Variants in PAG1 observed in about 807,000 individuals in gnomAD.
The protein encoded by PAG1 is phosphoprotein associated with glycosphingolipid-enriched microdomains 1.
Under a neutral mutation model 31.7 loss-of-function variants are expected in PAG1, and 23 were observed. The ratio of observed to expected loss-of-function variants is 0.73; its 90% confidence interval spans 0.52 to 1.03. The LOEUF (loss-of-function observed/expected upper bound fraction) is 1.03. PAG1 is among the 50% of genes least tolerant of loss of function. PAG1 has a pLI of 0.00. For missense variants in PAG1, 473 were observed against 540.7 expected, an observed-to-expected ratio of 0.87 and a Z score of 1.24; for synonymous variants, 214 against 210.3, an observed-to-expected ratio of 1.02 and a Z score of -0.15.
At chr8:81,094,033 A>T (rs1386552287) in intron 1 of PAG1, among the ~76,000 whole-genome samples, 2 of 152,154 alleles carry the variant, frequency 1.3e-5, no homozygotes, top group Non-Finnish European at 2.9e-5. Flanking sequence ...GTGTGGGCTG[A>T]CATTCTAGAG....
chr8:81,003,548 G>A lies in PAG1; in HGVS notation c.-80-10241C>T, dbSNP rs747918468. 5.3e-5 allele frequency among the ~76,000 whole-genome samples: 8 copies of A among 152,224 alleles called. No individual in the cohort carries two copies. The East Asian group carries it at 7.7e-4, about 15-fold the overall frequency. ...AGAGTCTGGTAAAATGGCAGTGATC[G>A]GGTACATTGCTGCTACGTAGAAGTA... On this transcript the variant is annotated intron_variant, in intron 3 of 8. Coordinates refer to ENST00000220597, the MANE Select transcript of PAG1 (RefSeq NM_018440.4).
rs1383364556 is a variant in PAG1, at chr8:80,990,002, T to C, written c.177+1477A>G. Among the ~76,000 whole-genome samples, 1 of 151,936 alleles carries C rather than the reference T, an allele frequency of 6.6e-6. No individual in the cohort carries two copies. Among genetic ancestry groups the C allele is most frequent in the African/African-American group, 2.4e-5 (1 of 41,342 alleles). ...GAAAGGCAGGGGCCTGGAGTCTGCA[T>C]GGGGAGAAGCGACAGTGGGGCGTTC... is the stretch of plus-strand genomic sequence containing the variant. On this transcript the variant is annotated intron_variant, in intron 5 of 8. Transcript: ENST00000220597. This position sits in a 1 kb window ranked among gnomAD's most constrained non-coding sequence, Gnocchi z 5.1.
At position 81,011,382 on chromosome 8, in the gene PAG1, C is replaced by T. The variant is rs116429915; in HGVS notation, c.-80-18075G>A. 3.9e-5 allele frequency among the ~76,000 whole-genome samples: 6 copies of T among 152,262 alleles called. No homozygotes were observed. In the East Asian group the frequency reaches 9.6e-4, roughly 24 times the overall value. On this transcript the variant is annotated intron_variant, in intron 3 of 8. Coordinates refer to ENST00000220597, the MANE Select transcript of PAG1 (RefSeq NM_018440.4). ...AGATCTGATGGTTTTATAAGGGGAACTCCTTTTGTTTGGTTCTCATTTTCT... is the reference window on the plus strand; with the variant it reads ...AGATCTGATGGTTTTATAAGGGGAATTCCTTTTGTTTGGTTCTCATTTTCT...
rs1166008749 is a variant in PAG1 at position 81,030,059 on chromosome 8, T to C, written c.-144A>G. ...CTGGCAATGTATTCCCTTTGAAATG[T>C]TGTGGTGAGAGTTCTCTCTTCTTTC... On this transcript the variant is annotated 5_prime_UTR_variant, in exon 3 of 9. Coordinates refer to ENST00000220597, the MANE Select transcript of PAG1 (RefSeq NM_018440.4). 6.6e-6 allele frequency: 1 copy of C among 152,258 alleles called. No homozygotes were observed. Among genetic ancestry groups the C allele is most frequent in the African/African-American group, 2.4e-5 (1 of 41,456 alleles). 9.4% of individuals were successfully genotyped at this position (152,258 alleles called of 1,614,324 possible). A position where few individuals can be genotyped will look rare whatever the true frequency, so the allele number is the denominator to read the frequency against.
At chr8:81,098,894 G>T (rs1809567721) in intron 1 of PAG1, among the ~76,000 whole-genome samples, 1 of 152,204 alleles carries the variant, frequency 6.6e-6, no homozygotes, top group Non-Finnish European at 1.5e-5. Context: ...AAGATGAAAT[G>T]CAATAGTTTG....
intron 2 of PAG1, among the ~76,000 whole-genome samples, chr8:81,048,757 A>G (rs781059261): frequency 1.3e-5 from 2 of 152,210 alleles, no homozygotes; most frequent in African/African-American, 4.8e-5. Flanking sequence ...ATAAATGTAC[A>G]TACATTTATT....
At chr8:81,005,785 C>T (rs751301967) in intron 3 of PAG1, among the ~76,000 whole-genome samples, 3 of 152,150 alleles carry the variant, frequency 2.0e-5, no homozygotes, top group Admixed American at 6.5e-5. Context: ...CTTCACTTGC[C>T]GTCCTTCCCA....
Position 80,990,540 on chromosome 8 carries a change from T to C in PAG1, c.177+939A>G, listed in dbSNP as rs569343954. Among the ~76,000 whole-genome samples, 2 of 152,190 alleles carry C rather than the reference T, an allele frequency of 1.3e-5. No homozygotes were observed. Among genetic ancestry groups the C allele is most frequent in the Non-Finnish European group, 2.9e-5 (2 of 68,026 alleles). ...GGGCAGATTCTGAACTCTGCCTTGC[T>C]AATGTGACGATGGGCCCCCTCCCCA... is the stretch of plus-strand genomic sequence containing the variant. On this transcript the variant is annotated intron_variant, in intron 5 of 8. Coordinates refer to ENST00000220597, the MANE Select transcript of PAG1 (RefSeq NM_018440.4). The surrounding 1 kb of genome is among the most constrained non-coding windows in gnomAD (Gnocchi z 5.1).
intron 5 of PAG1, 171 bp from the exon 6 acceptor site, chr8:80,987,637 C>T (rs965686471): frequency 1.8e-6 from 1 of 556,258 alleles, no homozygotes; most frequent in Non-Finnish European, 3.2e-6. Context: ...TTCAAGACCC[C>T]CAGTGGATGC....
chr8:81,083,505 T>G (rs1809302125), intron 1 of PAG1, among the ~76,000 whole-genome samples: 1 of 152,120 alleles, frequency 6.6e-6, no homozygotes, highest in East Asian at 1.9e-4. Flanking sequence ...AATTTAGAGC[T>G]GGCAAGGGTG....
intron 2 of PAG1, among the ~76,000 whole-genome samples, chr8:81,052,878 C>A (rs542464800): frequency 2.1e-4 from 32 of 152,274 alleles, no homozygotes; most frequent in African/African-American, 7.7e-4. Context: ...GATAAAGAAA[C>A]TGAAATTAAA....
At chr8:81,075,190 G>A (rs1050117158) in intron 1 of PAG1, among the ~76,000 whole-genome samples, 7 of 152,322 alleles carry the variant, frequency 4.6e-5, no homozygotes, top group African/African-American at 1.7e-4. Context: ...AATGCAAAAT[G>A]TATAGTATTG....
intron 3 of PAG1, among the ~76,000 whole-genome samples, chr8:81,010,833 C>G (rs1807970380): frequency 1.3e-5 from 2 of 152,232 alleles, no homozygotes; most frequent in Non-Finnish European, 2.9e-5. Flanking sequence ...ACCATGACTT[C>G]TCATGTGCTT....
intron 1 of PAG1, among the ~76,000 whole-genome samples, chr8:81,085,172 C>T (rs952563465): frequency 1.3e-5 from 2 of 152,134 alleles, no homozygotes; most frequent in African/African-American, 2.4e-5. Flanking sequence ...AAGCAAATGG[C>T]GATTCCTCCG....
In PAG1 at chr8:80,970,668, G is replaced by A. The variant is rs1240222904; in HGVS notation, c.*5876C>T. 1 of 152,744 alleles carries A rather than the reference G, an allele frequency of 6.5e-6. No individual in the cohort carries two copies. Among genetic ancestry groups the A allele is most frequent in the Non-Finnish European group, 1.5e-5 (1 of 68,074 alleles). 9.5% of individuals were successfully genotyped at this position (152,744 alleles called of 1,614,324 possible). On this transcript the variant is annotated 3_prime_UTR_variant, in exon 9 of 9. Coordinates refer to ENST00000220597, the MANE Select transcript of PAG1 (RefSeq NM_018440.4). ...TTCCACCACATAATTTTTTAAAAGT[G>A]CTTTTCCATGGCCCCTTAGTGTCAA...
chr8:81,010,991 G>C (rs1236194694), intron 3 of PAG1, among the ~76,000 whole-genome samples: 1 of 152,138 alleles, frequency 6.6e-6, no homozygotes, highest in Non-Finnish European at 1.5e-5. Flanking sequence ...CGTGTTCTCA[G>C]AAAAGCATTC....
chr8:81,093,318 A>T (rs989146909), intron 1 of PAG1, among the ~76,000 whole-genome samples: 4 of 152,210 alleles, frequency 2.6e-5, no homozygotes, highest in Non-Finnish European at 5.9e-5. Context: ...AAAGTCTAGA[A>T]ACCAATGAAG....
intron 3 of PAG1, among the ~76,000 whole-genome samples, chr8:81,021,019 GAGCCCAGATCATCTGA>G (rs1395137722): frequency 1.3e-5 from 2 of 152,218 alleles, no homozygotes; most frequent in Non-Finnish European, 2.9e-5. Context: ...GCTGGGAATG[GAGCCCAGATCATCTGA>G]GCCTGCATCC....
intron 8 of PAG1, 144 bp downstream of exon 8, chr8:80,980,291 A>G: frequency 1.7e-6 from 1 of 594,234 alleles, no homozygotes. Context: ...TTATAAAACC[A>G]GCATCCCAAG....
Sources: allele counts gnomAD v4.1 joint callset (sites outside exome capture counted in the v4.1 genomes callset), GRCh38; gene constraint gnomAD v4.1.1; non-coding constraint Gnocchi (gnomAD v3.1); transcripts MANE v1.5; gene names NCBI Gene and HGNC (gene_info 2026-07-23, HGNC 2026-07-21).